UBL4A: variants seen among roughly 807,000 people sequenced by gnomAD.
UBL4A encodes ubiquitin like 4A.
A neutral mutation model predicts 11.4 loss-of-function variants in UBL4A; 4 were observed. That is an observed-to-expected ratio of 0.35 (90% CI 0.17 to 0.81). The LOEUF is 0.81. UBL4A is among the 30% of genes least tolerant of loss of function. UBL4A has a pLI of 0.52. For synonymous variants in UBL4A, 72 were observed against 61.2 expected (o/e 1.18, Z -0.83); for missense variants, 112 against 124.9 (o/e 0.90, Z 0.49).
chrX:154,486,130 G>A, intron 2 of UBL4A, 98 bp downstream of exon 2: 1 of 1,038,812 alleles, frequency 9.6e-7, no homozygotes, highest in Non-Finnish European at 1.3e-6. Flanking sequence ...GGCGCTTGGC[G>A]CCCGCACCCC....
Position 154,486,596 on chromosome X carries a change from C to T in UBL4A, c.-12G>A, listed in dbSNP as rs1557213004. ...ACCGTCAGCTGCATGGCGGTCGCGA[C>T]GGCGTCCACTCGGGCCGGCGCGCAC... On this transcript the variant is annotated 5_prime_UTR_variant, in exon 1 of 4. Coordinates refer to ENST00000369660, the MANE Select transcript of UBL4A (RefSeq NM_014235.5). 2.2e-6 allele frequency: 2 copies of T among 904,281 alleles called. No homozygotes were observed. Among genetic ancestry groups the T allele is most frequent in the East Asian group, 5.8e-5 (1 of 17,341 alleles). 74.5% of individuals were successfully genotyped at this position (904,281 alleles called of 1,213,427 possible).
At chrX:154,486,050 T>G in intron 2 of UBL4A, 71 bp from the exon 3 acceptor site, 1 of 1,146,161 alleles carries the variant, frequency 8.7e-7, no homozygotes, top group Non-Finnish European at 1.2e-6. Flanking sequence ...CGAGGCCGCC[T>G]CGGGCGGCGG....
In UBL4A at chrX:154,486,600, G is replaced by A; in HGVS notation, c.-16C>T. On this transcript the variant is annotated 5_prime_UTR_variant, in exon 1 of 4. It adds an upstream start codon to the 5' untranslated region. Transcript: ENST00000369660. ...TCAGCTGCATGGCGGTCGCGACGGC[G>A]TCCACTCGGGCCGGCGCGCACCCCA... The A allele has an allele frequency of 3.4e-6, 3 of 891,389 alleles. No homozygotes were observed. Among genetic ancestry groups the A allele is most frequent in the Non-Finnish European group, 4.1e-6 (3 of 725,941 alleles). 73.5% of individuals were successfully genotyped at this position (891,389 alleles called of 1,213,427 possible). A position where few individuals can be genotyped will look rare whatever the true frequency, so the allele number is the denominator to read the frequency against.
At position 154,485,776 on chromosome X, in the gene UBL4A, GT is replaced by G; in HGVS notation, c.357del (p.Gln120ArgfsTer8). 8.4e-7 allele frequency: 1 copy of G among 1,192,465 alleles called. No individual in the cohort carries two copies. Among genetic ancestry groups the G allele is most frequent in the East Asian group, 3.0e-5 (1 of 33,696 alleles). On this transcript the variant is annotated frameshift_variant, in exon 3 of 4. Coordinates refer to ENST00000369660, the MANE Select transcript of UBL4A (RefSeq NM_014235.5). LOFTEE classifies it high-confidence loss of function. The part of the protein sequence containing the change: ...AADASRVLEQ[L>X]QRDYERSLSR... ...CCCAGGGTTACCCTTCTCACCCTCT[GT>G]AGCTGTTCCAGGACCCTGCTGGCAT...
Position 154,485,131 on chromosome X carries a change from G to T in UBL4A, c.*408C>A. ...GTCACTTGGCCTCCTGCAGAGGTAA[G>T]CTGAGGGCTATGTTGGACCCGCCAG... On this transcript the variant is annotated 3_prime_UTR_variant, in exon 4 of 4. Transcript: ENST00000369660. The T allele has an allele frequency of 2.5e-6, 1 of 401,477 alleles. No homozygotes were observed. The highest frequency in any genetic ancestry group is 4.3e-6 in the Non-Finnish European group (1 of 230,821). 33.1% of individuals were successfully genotyped at this position (401,477 alleles called of 1,213,427 possible).
At chrX:154,485,692 G>C (rs782010144) in intron 3 of UBL4A, 43 bp from the exon 4 acceptor site, 23 of 1,179,609 alleles carry the variant, frequency 1.9e-5, no homozygotes, top group African/African-American at 7.1e-5. Flanking sequence ...TGCCAGTGGT[G>C]GGGGGGCATA....
At chrX:154,486,064 C>A (rs1569554991) in intron 2 of UBL4A, 85 bp from the exon 3 acceptor site, 4 of 1,104,875 alleles carry the variant, frequency 3.6e-6, no homozygotes, top group South Asian at 3.8e-5. Flanking sequence ...GCGGCGGGAG[C>A]GGAGCGCTGC....
At position 154,485,602 on chromosome X, in the gene UBL4A, C is replaced by T. The variant is rs913878735; in HGVS notation, c.411G>A (p.Arg137=). 1.3e-5 allele frequency: 16 copies of T among 1,208,958 alleles called. No homozygotes were observed. Among genetic ancestry groups the T allele is most frequent in the Non-Finnish European group, 1.8e-5 (16 of 894,874 alleles). The change falls in exon 4 of 4, where the codon CGG becomes CGA. Residue 137 remains arginine, a synonymous_variant. Transcript: ENST00000369660. The stretch of plus-strand genomic sequence containing the variant: ...CAGGGTGCAGGAAGCGGCTGGCCAA[C>T]CGTTCGATGTCGTCCAGCGTCAGGC... ...LSRLTLDDIE[R]LASRFLHPEV... is the part of the protein sequence containing the mutation.
rs910608003 is a variant in UBL4A at position 154,485,121 on chromosome X, G to A, written c.*418C>T. ...AGGGCTGGCTGTCACTTGGCCTCCT[G>A]CAGAGGTAAGCTGAGGGCTATGTTG... On this transcript the variant is annotated 3_prime_UTR_variant, in exon 4 of 4. Transcript: ENST00000369660. 6.6e-5 allele frequency: 25 copies of A among 378,082 alleles called. No homozygotes were observed. Among genetic ancestry groups the A allele is most frequent in the African/African-American group, 6.2e-4 (24 of 38,783 alleles). 31.2% of individuals were successfully genotyped at this position (378,082 alleles called of 1,213,427 possible).
At chrX:154,485,713 G>A in intron 3 of UBL4A, 58 bp downstream of exon 3, 1 of 1,194,436 alleles carries the variant, frequency 8.4e-7, no homozygotes, top group Non-Finnish European at 1.1e-6. Flanking sequence ...CACTGCAACA[G>A]AGGTAGGGGC....
At position 154,485,533 on chromosome X, in the gene UBL4A, A is replaced by G; in HGVS notation, c.*6T>C. The G allele has an allele frequency of 8.3e-7, 1 of 1,208,422 alleles. No homozygotes were observed. The highest frequency in any genetic ancestry group is 1.1e-6 in the Non-Finnish European group (1 of 892,567). ...GCGTTGGGCACCTCCCCATGCTCCGAGAATTCTATTTGGAGAAGCCCTTCT... is the reference window on the plus strand; with the variant it reads ...GCGTTGGGCACCTCCCCATGCTCCGGGAATTCTATTTGGAGAAGCCCTTCT... On this transcript the variant is annotated 3_prime_UTR_variant, in exon 4 of 4. Coordinates refer to ENST00000369660, the MANE Select transcript of UBL4A (RefSeq NM_014235.5).
At position 154,486,539 on chromosome X, in the gene UBL4A, G is replaced by A; in HGVS notation, c.46C>T (p.Gln16Ter). 1 of 1,027,814 alleles carries A rather than the reference G, an allele frequency of 9.7e-7. No individual in the cohort carries two copies. Among genetic ancestry groups the A allele is most frequent in the Non-Finnish European group, 1.2e-6 (1 of 804,990 alleles). The allele number at this position is 1,027,814 out of a possible 1,213,427, so 84.7% of individuals were successfully genotyped here. A position where few individuals can be genotyped will look rare whatever the true frequency, so the allele number is the denominator to read the frequency against. The stretch of plus-strand genomic sequence containing the variant: ...GCGGCCCGGCCCGGGGACCCTACCT[G>A]CAGGCTGCACTCGCGGCCCTGCAGC... The part of the protein sequence containing the change: ...KALQGRECSL[Q>*]VPEDELVSTL... Residue 16 changes from glutamine (Q) to a stop codon, truncating the protein, a stop_gained and splice_region_variant, in exon 1 of 4, where the codon CAG becomes TAG. Transcript: ENST00000369660. LOFTEE classifies it high-confidence loss of function.
In UBL4A at chrX:154,485,857, G is replaced by C. The variant is rs781782880; in HGVS notation, c.277C>G (p.Pro93Ala). The C allele has an allele frequency of 2.5e-6, 3 of 1,209,358 alleles. No homozygotes were observed. Among genetic ancestry groups the C allele is most frequent in the Admixed American group, 2.2e-5 (1 of 45,960 alleles). Residue 93 changes from proline (P) to alanine (A), a missense_variant, in exon 3 of 4, where the codon CCG (proline) becomes GCG (alanine). Pro to Ala is a conservative substitution (Grantham distance 27). Coordinates refer to ENST00000369660, the MANE Select transcript of UBL4A (RefSeq NM_014235.5). ...TTGGAGATCAGCTGCCAGACCTGCG[G>C]GGGTGGGGAGTCGGCCAGCCTCTGG... The part of the protein sequence containing the change: ...EAQRLADSPP[P>A]QVWQLISKVL...
rs782461694 is a variant in UBL4A at position 154,485,554 on chromosome X, C to T, written c.459G>A (p.Lys153=). The change falls in exon 4 of 4, where the codon AAG becomes AAA. Residue 153 remains lysine, a synonymous_variant. Transcript: ENST00000369660. ...LHPEVTETME[K]GFSK is the part of the protein sequence containing the mutation. ...TCCGAGAATTCTATTTGGAGAAGCC[C>T]TTCTCCATTGTCTCAGTCACTTCAG... 1 of 1,211,583 alleles carries T rather than the reference C, an allele frequency of 8.3e-7. No individual in the cohort carries two copies. Among genetic ancestry groups the T allele is most frequent in the Non-Finnish European group, 1.1e-6 (1 of 895,335 alleles).
At chrX:154,486,408 G>A (rs1603397411) in intron 1 of UBL4A, 75 bp from the exon 2 acceptor site, 3 of 1,011,255 alleles carry the variant, frequency 3.0e-6, no homozygotes, top group Non-Finnish European at 1.3e-6. Flanking sequence ...GTCCGCCCCC[G>A]AGGGCAGCTC....
At position 154,485,347 on chromosome X, in the gene UBL4A, G is replaced by T; in HGVS notation, c.*192C>A. ...GTGCCACTTCATCGCCGGTGCCTCT[G>T]CTGTGCCGGCTCTCCTCTTCTGAGG... On this transcript the variant is annotated 3_prime_UTR_variant, in exon 4 of 4. Transcript: ENST00000369660. The T allele has an allele frequency of 1.9e-6, 1 of 534,894 alleles. No homozygotes were observed. Among genetic ancestry groups the T allele is most frequent in the Non-Finnish European group, 3.4e-6 (1 of 294,098 alleles). The allele number at this position is 534,894 out of a possible 1,213,427, so 44.1% of individuals were successfully genotyped here.
Position 154,485,626 on chromosome X carries a change from G to C in UBL4A, c.387C>G (p.Arg129=). 8.3e-6 allele frequency: 10 copies of C among 1,209,967 alleles called. No homozygotes were observed. Among genetic ancestry groups the C allele is most frequent in the Non-Finnish European group, 1.1e-5 (10 of 894,743 alleles). The change falls in exon 4 of 4, where the codon CGC becomes CGG. Residue 129 remains arginine (R), a synonymous_variant. Coordinates refer to ENST00000369660, the MANE Select transcript of UBL4A (RefSeq NM_014235.5). The part of the protein sequence containing the change: ...LQRDYERSLS[R]LTLDDIERLA... ...ACCGTTCGATGTCGTCCAGCGTCAGGCGACTCAGGGACCTCTCGTAATCCT... is the reference window on the plus strand; with the variant it reads ...ACCGTTCGATGTCGTCCAGCGTCAGCCGACTCAGGGACCTCTCGTAATCCT...
chrX:154,485,444 A>C lies in UBL4A; in HGVS notation c.*95T>G. The C allele has an allele frequency of 2.2e-6, 2 of 907,436 alleles. No individual in the cohort carries two copies. The highest frequency in any genetic ancestry group is 3.2e-6 in the Non-Finnish European group (2 of 618,571). 74.8% of individuals were successfully genotyped at this position (907,436 alleles called of 1,213,427 possible). A position where few individuals can be genotyped will look rare whatever the true frequency, so the allele number is the denominator to read the frequency against. On this transcript the variant is annotated 3_prime_UTR_variant, in exon 4 of 4. Coordinates refer to ENST00000369660, the MANE Select transcript of UBL4A (RefSeq NM_014235.5). ...GGCCAGAGCCAGGTACATGCCAGCT[A>C]TGATGATGATGAGCCCAACTGCAAC...
rs1401287066 is a variant in UBL4A, at chrX:154,484,947, G to A, written c.*592C>T. 5.7e-6 allele frequency: 1 copy of A among 175,555 alleles called. No individual in the cohort carries two copies. The highest frequency in any genetic ancestry group is 3.0e-5 in the African/African-American group (1 of 32,819). The allele number at this position is 175,555 out of a possible 1,213,427, so 14.5% of individuals were successfully genotyped here. On this transcript the variant is annotated 3_prime_UTR_variant, in exon 4 of 4. Coordinates refer to ENST00000369660, the MANE Select transcript of UBL4A (RefSeq NM_014235.5). ...GTGGCCCTCACTGTATAGAGTCCAT[G>A]GCTGGGGACCAAGTGGCACTGAGAC...
Sources: allele counts gnomAD v4.1 joint callset, GRCh38; gene constraint gnomAD v4.1.1; transcripts MANE v1.5; gene names NCBI Gene and HGNC (gene_info 2026-07-23, HGNC 2026-07-21).